Variants in KATNAL2 observed in about 807,000 individuals in gnomAD.
KATNAL2 encodes katanin p60 ATPase-containing subunit A-like 2.
A neutral mutation model predicts 76.3 loss-of-function variants in KATNAL2; 52 were observed. The observed-to-expected ratio is 0.68, with a 90% CI of 0.55 to 0.86. The LOEUF is 0.86. Among genes scored for constraint, KATNAL2 ranks in the 40% least tolerant of loss-of-function variants. The pLI is 0.00. For synonymous variants in KATNAL2, 243 were observed against 244.2 expected (o/e 1.00, Z 0.05); for missense variants, 660 against 668.9 (o/e 0.99, Z 0.15).
chr18:47,039,915 A>G (rs535649238), intron 3 of KATNAL2, among the ~76,000 whole-genome samples: 1 of 152,346 alleles, frequency 6.6e-6, no homozygotes, highest in African/African-American at 2.4e-5. Context: ...AACCTCTAAT[A>G]TGGAGGGATA....
At chr18:46,923,010 A>C (rs545532042) in intron 1 of KATNAL2, among the ~76,000 whole-genome samples, 12 of 147,684 alleles carry the variant, frequency 8.1e-5, no homozygotes, top group African/African-American at 3.0e-4. Flanking sequence ...TCTTATCAAC[A>C]TACAGAACTT....
At chr18:46,935,172 A>AAC (rs58166811) in intron 1 of KATNAL2, among the ~76,000 whole-genome samples, 8,750 of 152,304 alleles carry the variant, frequency 0.057, 300 homozygotes, top group Non-Finnish European at 0.081. Flanking sequence ...ATAACCTAAT[A>AAC]GAAACTCTAG....
Position 47,100,936 on chromosome 18 carries a change from C to T in KATNAL2, c.1548C>T (p.His516=). The T allele has an allele frequency of 6.2e-7, 1 of 1,614,120 alleles. No individual in the cohort carries two copies. The highest frequency in any genetic ancestry group is 8.5e-7 in the Non-Finnish European group (1 of 1,180,008). Reference sequence around the variant, plus strand: ...CCGACTTTCTGGATGTGCTAACTCACACCAAGCCCTCCGCAAAGAATCTGG... The same window carrying T: ...CCGACTTTCTGGATGTGCTAACTCATACCAAGCCCTCCGCAAAGAATCTGG... ...TTADFLDVLT[H]TKPSAKNLAQ... Residue 516 remains histidine, a synonymous_variant, in exon 18 of 18, where the codon CAC becomes CAT. Transcript: ENST00000683218.
At chr18:47,063,509 G>A in intron 10 of KATNAL2, 148 bp downstream of exon 10, 1 of 579,344 alleles carries the variant, frequency 1.7e-6, no homozygotes, top group Non-Finnish European at 3.0e-6. Context: ...TTGTTTAGAG[G>A]CACAATAATG....
intron 3 of KATNAL2, among the ~76,000 whole-genome samples, chr18:47,037,320 A>G (rs1285074198): frequency 6.6e-6 from 1 of 152,226 alleles, no homozygotes. Context: ...TAATGGAGGT[A>G]TATTTGTGGC....
At chr18:46,947,872 T>C (rs182302348) in intron 3 of KATNAL2, among the ~76,000 whole-genome samples, 16 of 152,336 alleles carry the variant, frequency 1.1e-4, no homozygotes, top group Admixed American at 9.2e-4. Context: ...ACACATGTTG[T>C]TGCTAATTCC....
chr18:47,100,389 G>C (rs1237789473), intron 17 of KATNAL2, 33 bp downstream of exon 17: 2 of 1,556,802 alleles, frequency 1.3e-6, no homozygotes, highest in Non-Finnish European at 1.8e-6. Context: ...GGTGTTCCAG[G>C]AATTTGTGTA....
chr18:47,050,360 C>T (rs576121259), intron 4 of KATNAL2, among the ~76,000 whole-genome samples: 4 of 152,310 alleles, frequency 2.6e-5, no homozygotes, highest in African/African-American at 9.6e-5. Context: ...CATTGAGGAA[C>T]TTACTAGAAT....
rs1348117403 is a variant in KATNAL2 at position 46,941,702 on chromosome 18, G to A, written c.-509-4355G>A. On this transcript the variant is annotated intron_variant, in intron 1 of 17. Transcript: ENST00000683218. ...AAAAAGTGCTGCTTTCTTCCATTTT[G>A]GAGTCAATTTTGCACACATTAGAAT... Among the ~76,000 whole-genome samples, 6 of 152,144 alleles carry A rather than the reference G, an allele frequency of 3.9e-5. No individual in the cohort carries two copies. The South Asian group carries it at 6.2e-4, about 16-fold the overall frequency.
At chr18:46,948,426 C>CTTT (rs11400104) in intron 3 of KATNAL2, among the ~76,000 whole-genome samples, 1 of 136,304 alleles carries the variant, frequency 7.3e-6, no homozygotes, top group Non-Finnish European at 1.6e-5. Context: ...TCTTCTTCTT[C>CTTT]TTTTTTTTTT....
At chr18:47,068,015 T>G (rs2061867994) in intron 11 of KATNAL2, among the ~76,000 whole-genome samples, 1 of 152,240 alleles carries the variant, frequency 6.6e-6, no homozygotes, top group Non-Finnish European at 1.5e-5. Flanking sequence ...ATGGTGGCAG[T>G]GGGTTCCCAG....
chr18:47,031,011 C>T (rs867809927), intron 3 of KATNAL2, among the ~76,000 whole-genome samples: 84 of 4,228 alleles, frequency 0.02, no homozygotes, highest in Middle Eastern at 0.12. Flanking sequence ...CCTCTAGCAT[C>T]TCCCCCCCCC....
At chr18:46,918,974 T>C (rs893491995) in intron 1 of KATNAL2, among the ~76,000 whole-genome samples, 3 of 150,884 alleles carry the variant, frequency 2.0e-5, no homozygotes, top group African/African-American at 7.4e-5. Flanking sequence ...AATTGTTTAT[T>C]TGATATATAT....
At chr18:47,080,587 G>C (rs886503569) in intron 15 of KATNAL2, among the ~76,000 whole-genome samples, 9 of 152,152 alleles carry the variant, frequency 5.9e-5, no homozygotes, top group Admixed American at 2.0e-4. Flanking sequence ...CTCTACGTTT[G>C]ATTAGTTGAG....
intron 13 of KATNAL2, among the ~76,000 whole-genome samples, chr18:47,072,817 A>G (rs2062053314): frequency 6.6e-6 from 1 of 152,158 alleles, no homozygotes; most frequent in African/African-American, 2.4e-5. Context: ...AACTTAATAT[A>G]TATAACTTGG....
At chr18:46,921,035 T>G (rs2058508779) in intron 1 of KATNAL2, among the ~76,000 whole-genome samples, 1 of 152,262 alleles carries the variant, frequency 6.6e-6, no homozygotes, top group Non-Finnish European at 1.5e-5. Context: ...ATTACCTGAC[T>G]AGGCTACCGT....
At chr18:47,031,669 G>T (rs1035766660) in intron 3 of KATNAL2, among the ~76,000 whole-genome samples, 1 of 152,104 alleles carries the variant, frequency 6.6e-6, no homozygotes, top group African/African-American at 2.4e-5. Context: ...GTAGAGATGG[G>T]ATCTTTTTCA....
Position 47,099,398 on chromosome 18 carries a change from T to G in KATNAL2, c.1367T>G (p.Leu456Arg). 4 of 1,610,132 alleles carry G rather than the reference T, an allele frequency of 2.5e-6. No individual in the cohort carries two copies. The highest frequency in any genetic ancestry group is 2.5e-6 in the Non-Finnish European group (3 of 1,177,482). The stretch of plus-strand genomic sequence containing the variant: ...CACACAGAGCTGGAGTACAGTGTGC[T>G]GAGCCAGGTCAGCTGCCCTGGAGAG... ...ELHTELEYSVLSQETEGYSGS... is the reference protein window; with the variant it reads ...ELHTELEYSVRSQETEGYSGS... The change falls in exon 16 of 18, where the codon CTG becomes CGG. Residue 456 changes from leucine (L) to arginine (R), a missense_variant. By Grantham distance (102) the Leu-to-Arg change is moderately radical. Transcript: ENST00000683218.
intron 10 of KATNAL2, 152 bp downstream of exon 10, chr18:47,063,513 A>G (rs955071512): frequency 1.7e-5 from 10 of 583,656 alleles, no homozygotes; most frequent in Non-Finnish European, 2.7e-5. Flanking sequence ...TTAGAGGCAC[A>G]ATAATGCATG....
Sources: gnomAD v4.1 joint callset for allele counts (sites outside exome capture counted in the v4.1 genomes callset) on GRCh38, gnomAD v4.1.1 for gene constraint, MANE v1.5 for transcripts, NCBI Gene and HGNC (gene_info 2026-07-23, HGNC 2026-07-21) for gene names.